Variants in GOSR1 observed in about 807,000 individuals in gnomAD.
GOSR1 encodes golgi SNAP receptor complex member 1.
In GOSR1, 21 loss-of-function variants were observed where a neutral mutation model predicts 35.5. The observed-to-expected ratio is 0.59, with a 90% CI of 0.42 to 0.85. The LOEUF is 0.85. Among genes scored for constraint, GOSR1 ranks in the 40% least tolerant of loss-of-function variants. The pLI, the probability that GOSR1 is intolerant of heterozygous loss-of-function variation, is 0.00. For synonymous variants in GOSR1, 94 were observed against 106.6 expected (o/e 0.88, Z 0.73); for missense variants, 285 against 309.6 (o/e 0.92, Z 0.60).
intron 6 of GOSR1, among the ~76,000 whole-genome samples, chr17:30,507,646 C>A (rs1339535658): frequency 6.6e-6 from 1 of 151,436 alleles, no homozygotes; most frequent in South Asian, 2.1e-4. Flanking sequence ...TCACTTGAAC[C>A]CAGGAGGCGA....
At chr17:30,516,543 G>A (rs1041268440) in intron 7 of GOSR1, among the ~76,000 whole-genome samples, 4 of 151,832 alleles carry the variant, frequency 2.6e-5, no homozygotes, top group African/African-American at 9.7e-5. Flanking sequence ...GAAGCAACTT[G>A]TGTTAACTGA....
chr17:30,479,435 A>G (rs1171058019), intron 1 of GOSR1: 1 of 152,178 alleles, frequency 6.6e-6, no homozygotes, highest in Admixed American at 6.5e-5. Flanking sequence ...TATCATACTC[A>G]TATTCGACCT....
At chr17:30,479,170 C>T (rs545698571) in intron 1 of GOSR1, 12 of 152,370 alleles carry the variant, frequency 7.9e-5, no homozygotes, top group African/African-American at 2.4e-4. Context: ...GTTAACTACG[C>T]TTTCTATTTC....
chr17:30,517,362 T>C (rs1203918771), intron 7 of GOSR1, among the ~76,000 whole-genome samples: 1 of 152,226 alleles, frequency 6.6e-6, no homozygotes, highest in Non-Finnish European at 1.5e-5. Context: ...TGTATCTTAC[T>C]GATATACAAC....
chr17:30,513,524 C>A lies in GOSR1; in HGVS notation c.539+2615C>A, dbSNP rs575567139. Among the ~76,000 whole-genome samples the A allele has an allele frequency of 2.8e-4, 42 of 152,212 alleles. 1 individual carries two copies. Among genetic ancestry groups the A allele is most frequent in the African/African-American group, 9.4e-4 (39 of 41,520 alleles). ...TGTGGTACTGGAAATCATGCATCTT[C>A]AACAAGTTAACATAATGTATGATGA... On this transcript the variant is annotated intron_variant, in intron 7 of 8. Coordinates refer to ENST00000451249, the MANE Select transcript of GOSR1 (RefSeq NM_001007025.2).
intron 6 of GOSR1, among the ~76,000 whole-genome samples, chr17:30,501,592 G>A (rs1368532994): frequency 2.6e-5 from 4 of 151,926 alleles, no homozygotes; most frequent in Non-Finnish European, 5.9e-5. Flanking sequence ...CGCCTCCCGG[G>A]TTTAAGCAGT....
rs750825023 is a variant in GOSR1, at chr17:30,484,855, TA to T, written c.342+86del. The T allele has an allele frequency of 1.6e-4, 121 of 762,610 alleles. No homozygotes were observed. In the East Asian group the frequency reaches 1.7e-3, roughly 11 times the overall value. The allele number at this position is 762,610 out of a possible 1,614,324, so 47.2% of individuals were successfully genotyped here. A position where few individuals can be genotyped will look rare whatever the true frequency, so the allele number is the denominator to read the frequency against. On this transcript the variant is annotated intron_variant, in intron 4 of 8. Transcript: ENST00000451249. The stretch of plus-strand genomic sequence containing the variant: ...AATCCCTGCATTGGATATGTGCACA[TA>T]TATTTAAAAGGACAAAGAGAAAAAT...
intron 5 of GOSR1, among the ~76,000 whole-genome samples, chr17:30,492,195 T>G (rs764339702): frequency 4.6e-5 from 7 of 152,226 alleles, no homozygotes; most frequent in Non-Finnish European, 8.8e-5. Flanking sequence ...ACCAAAATGG[T>G]TATCCTTAAG....
Position 30,522,338 on chromosome 17 carries a change from G to GGATCT in GOSR1, c.709_713dup (p.Cys238Ter). 1 of 1,608,364 alleles carries GGATCT rather than the reference G, an allele frequency of 6.2e-7. No individual in the cohort carries two copies. The highest frequency in any genetic ancestry group is 8.5e-7 in the Non-Finnish European group (1 of 1,177,014). ...TCGCTCATCCTAGGGGGTGTTATTG[G>GGATCT]GATCTGTACCATCCTGTTGCTGCTG... On this transcript the variant is annotated frameshift_variant, in exon 9 of 9. Coordinates refer to ENST00000451249, the MANE Select transcript of GOSR1 (RefSeq NM_001007025.2). LOFTEE classifies it high-confidence loss of function.
Position 30,522,336 on chromosome 17 carries a change from T to C in GOSR1, c.705T>C (p.Ile235=). 5 of 1,610,416 alleles carry C rather than the reference T, an allele frequency of 3.1e-6. No individual in the cohort carries two copies. Among genetic ancestry groups the C allele is most frequent in the Non-Finnish European group, 3.4e-6 (4 of 1,178,082 alleles). The change falls in exon 9 of 9, where the codon ATT becomes ATC. Residue 235 remains isoleucine (I), a synonymous_variant. Transcript: ENST00000451249. ...RRDSLILGGV[I]GICTILLLLY... The stretch of plus-strand genomic sequence containing the variant: ...ACTCGCTCATCCTAGGGGGTGTTAT[T>C]GGGATCTGTACCATCCTGTTGCTGC...
intron 6 of GOSR1, among the ~76,000 whole-genome samples, chr17:30,500,404 G>A (rs1967158147): frequency 6.6e-6 from 1 of 152,088 alleles, no homozygotes; most frequent in Non-Finnish European, 1.5e-5. Context: ...TTTTGTGTGT[G>A]GTGTAAGTTA....
chr17:30,500,254 A>G (rs1213369912), intron 6 of GOSR1, among the ~76,000 whole-genome samples: 3 of 152,086 alleles, frequency 2.0e-5, no homozygotes, highest in Admixed American at 6.5e-5. Context: ...GGCTATCCTA[A>G]GGTTACAGAT....
chr17:30,496,453 T>G (rs1159605226), intron 6 of GOSR1, among the ~76,000 whole-genome samples: 1 of 152,246 alleles, frequency 6.6e-6, no homozygotes, highest in Non-Finnish European at 1.5e-5. Flanking sequence ...CCTAGGCTAC[T>G]GTGGCACTAC....
chr17:30,525,275 TC>T lies in GOSR1; in HGVS notation c.*2898del, dbSNP rs1184776524. The T allele has an allele frequency of 6.6e-6, 1 of 152,238 alleles. No individual in the cohort carries two copies. Among genetic ancestry groups the T allele is most frequent in the South Asian group, 2.1e-4 (1 of 4,836 alleles). 9.4% of individuals were successfully genotyped at this position (152,238 alleles called of 1,614,324 possible). A position where few individuals can be genotyped will look rare whatever the true frequency, so the allele number is the denominator to read the frequency against. Reference sequence around the variant, plus strand: ...TTTGGTACAGAGACTGAGAAGTTTTTCATTCTGGTGTCAAAGTTTTGTTACA... The same window carrying T: ...TTTGGTACAGAGACTGAGAAGTTTTTATTCTGGTGTCAAAGTTTTGTTACA... On this transcript the variant is annotated 3_prime_UTR_variant, in exon 9 of 9. Coordinates refer to ENST00000451249, the MANE Select transcript of GOSR1 (RefSeq NM_001007025.2).
chr17:30,503,512 A>G (rs1158499050), intron 6 of GOSR1, among the ~76,000 whole-genome samples: 1 of 152,248 alleles, frequency 6.6e-6, no homozygotes, highest in African/African-American at 2.4e-5. Flanking sequence ...TATACCCCAA[A>G]GGAAAATAAG....
Position 30,489,122 on chromosome 17 carries a change from G to T in GOSR1, c.343-1004G>T, listed in dbSNP as rs909999928. Among the ~76,000 whole-genome samples, 16 of 152,136 alleles carry T rather than the reference G, an allele frequency of 1.1e-4. 1 individual carries two copies. The highest frequency in any genetic ancestry group is 3.6e-4 in the African/African-American group (15 of 41,424). ...TTCCTGGCCAGGTGCAGTGGCTCAC[G>T]CCTGTAATCCCAGCATTTTGGGAGG... On this transcript the variant is annotated intron_variant, in intron 4 of 8. Coordinates refer to ENST00000451249, the MANE Select transcript of GOSR1 (RefSeq NM_001007025.2).
At chr17:30,515,219 C>G (rs1041655859) in intron 7 of GOSR1, among the ~76,000 whole-genome samples, 2 of 152,004 alleles carry the variant, frequency 1.3e-5, no homozygotes, top group African/African-American at 4.8e-5. Flanking sequence ...CCTTGACCTT[C>G]TGGGCTCAAG....
chr17:30,518,746 T>A (rs1967912515), intron 7 of GOSR1, among the ~76,000 whole-genome samples: 1 of 151,790 alleles, frequency 6.6e-6, no homozygotes, highest in Non-Finnish European at 1.5e-5. Context: ...CTGGGCAACA[T>A]AGGGAGACCC....
rs1387505716 is a variant in GOSR1 at position 30,494,191 on chromosome 17, A to AC, written c.509+1438_509+1439insC. ...GTTTTTGTAAATGAATGCCATACTT[A>AC]AACACACACACACACACACACACAA... On this transcript the variant is annotated intron_variant, in intron 6 of 8. Transcript: ENST00000451249. Among the ~76,000 whole-genome samples the AC allele has an allele frequency of 6.4e-4, 58 of 90,444 alleles. No homozygotes were observed. In the South Asian group the frequency reaches 0.015, roughly 24 times the overall value. 59.3% of individuals were successfully genotyped at this position (90,444 alleles called of 152,430 possible).
Sources: allele counts gnomAD v4.1 joint callset (sites outside exome capture counted in the v4.1 genomes callset), GRCh38; gene constraint gnomAD v4.1.1; transcripts MANE v1.5; gene names NCBI Gene and HGNC (gene_info 2026-07-23, HGNC 2026-07-21).